Variants in GRID2 observed in about 807,000 individuals in gnomAD.
GRID2 encodes glutamate ionotropic receptor delta type subunit 2, also known as glutamate receptor ionotropic, delta-2.
GRID2 carries 33 observed loss-of-function variants against 114.8 expected under a neutral mutation model. The observed-to-expected ratio is 0.29, with a 90% CI of 0.22 to 0.38. GRID2 has a LOEUF of 0.38. Ranked by LOEUF, GRID2 falls within the 10% of genes least tolerant of loss-of-function variation. The pLI is 1.00. For missense variants in GRID2, 1,184 were observed against 1,257.7 expected, an observed-to-expected ratio of 0.94 and a Z score of 0.89; for synonymous variants, 505 against 449.9, an observed-to-expected ratio of 1.12 and a Z score of -1.55.
At chr4:92,924,903 A>G (rs1749684363) in intron 2 of GRID2, among the ~76,000 whole-genome samples, 1 of 152,126 alleles carries the variant, frequency 6.6e-6, no homozygotes, top group African/African-American at 2.4e-5. Flanking sequence ...AATGTGAGAT[A>G]ATATTACAAA....
intron 1 of GRID2, among the ~76,000 whole-genome samples, chr4:92,315,300 A>G (rs77833921): frequency 0.11 from 16,431 of 152,188 alleles, 2,247 homozygotes; most frequent in African/African-American, 0.32. Flanking sequence ...CTGCTCTGAT[A>G]CATCTGTTAA....
chr4:92,937,913 G>C (rs1750786072), intron 2 of GRID2, among the ~76,000 whole-genome samples: 1 of 146,534 alleles, frequency 6.8e-6, no homozygotes, highest in Non-Finnish European at 1.5e-5. Flanking sequence ...GGAAATGCTT[G>C]TCTTCTTCCT....
chr4:93,318,552 G>A (rs565558166), intron 8 of GRID2: 3 of 152,186 alleles, frequency 2.0e-5, no homozygotes, highest in Admixed American at 6.6e-5. Flanking sequence ...ATTAAACCTC[G>A]AAAGCCAAAG....
At chr4:92,524,866 G>T (rs930406002) in intron 1 of GRID2, among the ~76,000 whole-genome samples, 1 of 151,914 alleles carries the variant, frequency 6.6e-6, no homozygotes, top group Non-Finnish European at 1.5e-5. Flanking sequence ...GGGTCAAGCT[G>T]AATTTAGATA....
At chr4:93,398,544 G>A (rs151064792) in intron 9 of GRID2, among the ~76,000 whole-genome samples, 82 of 151,904 alleles carry the variant, frequency 5.4e-4, no homozygotes, top group African/African-American at 1.8e-3. Flanking sequence ...TATTGGGAAG[G>A]ATTGTAGGTA....
chr4:93,232,409 G>A (rs1746255406), intron 7 of GRID2, among the ~76,000 whole-genome samples: 1 of 151,554 alleles, frequency 6.6e-6, no homozygotes, highest in Non-Finnish European at 1.5e-5. Flanking sequence ...AATATGGAAT[G>A]TGGGAAAATA....
exon 2 of GRID2, chr4:93,808,987 A>C (rs1009631992): frequency 6.6e-6 from 1 of 152,226 alleles, no homozygotes; most frequent in Non-Finnish European, 1.5e-5. Flanking sequence ...GGATTTGGTG[A>C]CACATTTCTT....
intron 8 of GRID2, among the ~76,000 whole-genome samples, chr4:93,324,497 C>A: frequency 6.6e-6 from 1 of 152,192 alleles, no homozygotes; most frequent in African/African-American, 2.4e-5. Context: ...CTAAAAGTCT[C>A]TTTTTTTGTT....
chr4:92,721,638 C>T lies in GRID2; in HGVS notation c.244+131352C>T, dbSNP rs534282035. Among the ~76,000 whole-genome samples, 6 of 151,942 alleles carry T rather than the reference C, an allele frequency of 3.9e-5. No individual in the cohort carries two copies. In the East Asian group the frequency reaches 5.8e-4, roughly 15 times the overall value. Reference sequence around the variant, plus strand: ...GACAGAATTATAGCATTAAAAAATGCCAATAAAAGGATCTTATCCAATTGA... The same window carrying T: ...GACAGAATTATAGCATTAAAAAATGTCAATAAAAGGATCTTATCCAATTGA... On this transcript the variant is annotated intron_variant, in intron 2 of 15. Coordinates refer to ENST00000282020, the MANE Select transcript of GRID2 (RefSeq NM_001510.4).
chr4:93,701,837 T>A (rs943707861), intron 14 of GRID2, among the ~76,000 whole-genome samples: 3 of 151,978 alleles, frequency 2.0e-5, no homozygotes, highest in Non-Finnish European at 4.4e-5. Flanking sequence ...AATACATATA[T>A]ATTTTTTAAC....
In GRID2 at chr4:93,137,493, A is replaced by G. The variant is rs78623158; in HGVS notation, c.735+26540A>G. On this transcript the variant is annotated intron_variant, in intron 4 of 15. Coordinates refer to ENST00000282020, the MANE Select transcript of GRID2 (RefSeq NM_001510.4). ...GAACCTATAGGACAGCTCTGTCAAT[A>G]TCATCTAAGCAGGTGACAAGCAATG... Among the ~76,000 whole-genome samples, 1,452 of 152,254 alleles carry G rather than the reference A, an allele frequency of 9.5e-3. 29 individuals are homozygous for G. Among genetic ancestry groups the G allele is most frequent in the African/African-American group, 0.033 (1,381 of 41,540 alleles).
intron 13 of GRID2, among the ~76,000 whole-genome samples, chr4:93,584,786 G>T (rs1737364013): frequency 6.6e-6 from 1 of 152,054 alleles, no homozygotes; most frequent in African/African-American, 2.4e-5. Flanking sequence ...TGAAGAAAAT[G>T]GGTATCCTTT....
chr4:93,357,977 A>G (rs959326868), intron 8 of GRID2, among the ~76,000 whole-genome samples: 2 of 151,912 alleles, frequency 1.3e-5, no homozygotes, highest in Admixed American at 1.3e-4. Context: ...TAAATCCAAT[A>G]TATTTTTCTT....
chr4:93,068,121 A>G (rs1301913969), intron 2 of GRID2, among the ~76,000 whole-genome samples: 1 of 152,210 alleles, frequency 6.6e-6, no homozygotes, highest in South Asian at 2.1e-4. Context: ...TCAGTAATCA[A>G]TAACTCCAAA....
At chr4:93,682,602 T>C (rs1286348092) in intron 14 of GRID2, among the ~76,000 whole-genome samples, 2 of 152,036 alleles carry the variant, frequency 1.3e-5, no homozygotes, top group African/African-American at 4.8e-5. Context: ...TATGCAGCCA[T>C]AAAAAATGAT....
At chr4:93,475,041 C>G (rs1457528028) in intron 11 of GRID2, among the ~76,000 whole-genome samples, 2 of 152,046 alleles carry the variant, frequency 1.3e-5, no homozygotes, top group Non-Finnish European at 2.9e-5. Context: ...CTCCCTGAGC[C>G]TACTTCCTCT....
chr4:93,175,724 A>T (rs1235737548), intron 4 of GRID2, among the ~76,000 whole-genome samples: 2 of 152,210 alleles, frequency 1.3e-5, no homozygotes, highest in Non-Finnish European at 2.9e-5. Context: ...GAAATTGTAG[A>T]TGTCAGAAAT....
At chr4:92,947,152 C>G (rs575520863) in intron 2 of GRID2, among the ~76,000 whole-genome samples, 1 of 151,996 alleles carries the variant, frequency 6.6e-6, no homozygotes, top group Non-Finnish European at 1.5e-5. Context: ...ACCAATATCT[C>G]ACAGTCTTGG....
intron 13 of GRID2, among the ~76,000 whole-genome samples, chr4:93,535,064 C>A (rs1359088462): frequency 6.6e-6 from 1 of 151,988 alleles, no homozygotes; most frequent in Non-Finnish European, 1.5e-5. Context: ...CTACTCTCTG[C>A]TTCTATGAGT....
Sources: allele counts gnomAD v4.1 joint callset (sites outside exome capture counted in the v4.1 genomes callset), GRCh38; gene constraint gnomAD v4.1.1; transcripts MANE v1.5; gene names NCBI Gene and HGNC (gene_info 2026-07-23, HGNC 2026-07-21).